DNM2: variants seen among roughly 807,000 people sequenced by gnomAD.
DNM2 encodes the protein dynamin-2.
In DNM2, 15 loss-of-function variants were observed where a neutral mutation model predicts 99.0. The observed-to-expected ratio is 0.15, with a 90% CI of 0.10 to 0.23. DNM2 has a LOEUF of 0.23. Ranked by LOEUF, DNM2 falls within the 10% of genes least tolerant of loss-of-function variation. The pLI is 1.00. For synonymous variants in DNM2, 525 were observed against 481.2 expected (o/e 1.09, Z -1.19); for missense variants, 742 against 1,189.4 (o/e 0.62, Z 5.53).
rs1340293635 is a variant in DNM2 at position 10,831,573 on chromosome 19, T to C, written c.*526T>C. 9 of 985,948 alleles carry C rather than the reference T, an allele frequency of 9.1e-6. No individual in the cohort carries two copies. Among genetic ancestry groups the C allele is most frequent in the Non-Finnish European group, 1.1e-5 (9 of 830,040 alleles). 61.1% of individuals were successfully genotyped at this position (985,948 alleles called of 1,614,324 possible). A position where few individuals can be genotyped will look rare whatever the true frequency, so the allele number is the denominator to read the frequency against. ...AGGTGTACATAGTCCTTCCCGGCCA[T>C]ATTAACCACACAGCCTGAGCCTGGC... On this transcript the variant is annotated 3_prime_UTR_variant, in exon 21 of 21. Coordinates refer to ENST00000389253, the MANE Select transcript of DNM2 (RefSeq NM_001005361.3). The surrounding 1 kb of genome is among the most constrained non-coding windows in gnomAD (Gnocchi z 4.3).
intron 2 of DNM2, among the ~76,000 whole-genome samples, chr19:10,771,667 G>A (rs563073292): frequency 6.6e-5 from 10 of 152,236 alleles, no homozygotes; most frequent in African/African-American, 2.2e-4. Context: ...CCCTTGACTG[G>A]GACCCACAGC....
rs1365623466 is a variant in DNM2, at chr19:10,796,823, G to A, written c.1197-557G>A. On this transcript the variant is annotated intron_variant, in intron 9 of 20. Coordinates refer to ENST00000389253, the MANE Select transcript of DNM2 (RefSeq NM_001005361.3). The surrounding 1 kb of genome is among the most constrained non-coding windows in gnomAD (Gnocchi z 5.6). ...CTGCCTCCACTCAGCAGGACGCGCC[G>A]GGCTCCCCCAACCCGCGCCAACGCC... Among the ~76,000 whole-genome samples the A allele has an allele frequency of 6.6e-6, 1 of 152,070 alleles. No homozygotes were observed. The highest frequency in any genetic ancestry group is 2.4e-5 in the African/African-American group (1 of 41,398).
At position 10,829,057 on chromosome 19, in the gene DNM2, G is replaced by A; in HGVS notation, c.2080G>A (p.Glu694Lys). Residue 694 changes from glutamate (E) to lysine (K), a missense_variant, in exon 19 of 21, where the codon GAG becomes AAG. Physicochemically the swap from Glu to Lys is moderately conservative, Grantham distance 56. Transcript: ENST00000389253. ...INNTKAFIHH[E>K]LLAYLYSSAD... ...GCAGACGAAGGCCTTCATCCACCAC[G>A]AGCTGCTGGCCTACCTATACTCCTC... 1 of 1,613,252 alleles carries A rather than the reference G, an allele frequency of 6.2e-7. No homozygotes were observed. Among genetic ancestry groups the A allele is most frequent in the Non-Finnish European group, 8.5e-7 (1 of 1,179,824 alleles).
intron 18 of DNM2, among the ~76,000 whole-genome samples, chr19:10,825,553 C>T (rs574340648): frequency 6.6e-6 from 1 of 152,276 alleles, no homozygotes; most frequent in South Asian, 2.1e-4. Flanking sequence ...CCTGTAATCC[C>T]AGCTACTCAG....
At chr19:10,786,851 C>T in intron 7 of DNM2, 145 bp downstream of exon 7, 1 of 1,480,950 alleles carries the variant, frequency 6.8e-7, no homozygotes, top group Non-Finnish European at 9.1e-7. Flanking sequence ...GTGCCAGGCT[C>T]CATCCTAAGC....
intron 1 of DNM2, among the ~76,000 whole-genome samples, chr19:10,729,186 A>AT (rs2069219310): frequency 2.7e-5 from 4 of 146,980 alleles, no homozygotes; most frequent in African/African-American, 5.1e-5. Flanking sequence ...AAAAAAAAAA[A>AT]AAAATATAAA....
chr19:10,743,986 GAA>G (rs746134991), intron 1 of DNM2, among the ~76,000 whole-genome samples: 2 of 106,516 alleles, frequency 1.9e-5, no homozygotes, highest in Non-Finnish European at 3.7e-5. Flanking sequence ...ACTGTTTCCA[GAA>G]AAAAAAAAAA....
chr19:10,808,027 C>T (rs992968837), intron 13 of DNM2, among the ~76,000 whole-genome samples: 8 of 151,610 alleles, frequency 5.3e-5, no homozygotes, highest in African/African-American at 1.9e-4. Context: ...CCTATAATTC[C>T]ACCTACTCGG....
At chr19:10,737,874 G>C (rs1003114707) in intron 1 of DNM2, among the ~76,000 whole-genome samples, 1 of 152,202 alleles carries the variant, frequency 6.6e-6, no homozygotes, top group Non-Finnish European at 1.5e-5. Flanking sequence ...GCAGTCCCTT[G>C]CATGGTGCCT....
intron 2 of DNM2, among the ~76,000 whole-genome samples, chr19:10,766,896 A>T (rs1299171129): frequency 6.6e-6 from 1 of 151,924 alleles, no homozygotes; most frequent in Non-Finnish European, 1.5e-5. Context: ...CCAGCTGCGA[A>T]CCTCTCTGAG....
chr19:10,739,518 C>T (rs565228105), intron 1 of DNM2, among the ~76,000 whole-genome samples: 9 of 152,184 alleles, frequency 5.9e-5, no homozygotes, highest in African/African-American at 2.2e-4. Context: ...AGTATATGGC[C>T]TTTTGTGTGT....
rs1408788158 is a variant in DNM2 at position 10,793,586 on chromosome 19, C to G, written c.993-134C>G. 22 of 1,540,336 alleles carry G rather than the reference C, an allele frequency of 1.4e-5. No homozygotes were observed. In the East Asian group the frequency reaches 5.0e-4, roughly 35 times the overall value. On this transcript the variant is annotated intron_variant, in intron 7 of 20. Coordinates refer to ENST00000389253, the MANE Select transcript of DNM2 (RefSeq NM_001005361.3). ...GAGCTCTTGAATTTGGTTTATTTGT[C>G]TTAATATAGACAGAAGACATTTTGC... is the stretch of plus-strand genomic sequence containing the variant.
intron 11 of DNM2, among the ~76,000 whole-genome samples, chr19:10,800,942 A>G (rs2072115895): frequency 6.6e-6 from 1 of 152,130 alleles, no homozygotes; most frequent in South Asian, 2.1e-4. Context: ...TGTGTGTTTT[A>G]TTTTAGTGTT....
At chr19:10,744,436 C>G (rs2069885939) in intron 1 of DNM2, among the ~76,000 whole-genome samples, 1 of 152,144 alleles carries the variant, frequency 6.6e-6, no homozygotes, top group Non-Finnish European at 1.5e-5. Flanking sequence ...TGGATATTTC[C>G]TTATGGGCTG....
At position 10,772,765 on chromosome 19, in the gene DNM2, C is replaced by G. The variant is rs1455561441; in HGVS notation, c.385+137C>G. On this transcript the variant is annotated intron_variant, in intron 3 of 20. Transcript: ENST00000389253. The surrounding 1 kb of genome is among the most constrained non-coding windows in gnomAD (Gnocchi z 4.9). ...CAGTTGATATTCACACACACATAGC[C>G]CCTTGATCTGTATCTTCCCACTTGT... The G allele has an allele frequency of 5.3e-6, 7 of 1,331,632 alleles. No individual in the cohort carries two copies. The East Asian group carries it at 1.8e-4, about 33-fold the overall frequency. 82.5% of individuals were successfully genotyped at this position (1,331,632 alleles called of 1,614,324 possible).
rs543685510 is a variant in DNM2 at position 10,823,062 on chromosome 19, G to A, written c.1782-726G>A. On this transcript the variant is annotated intron_variant, in intron 16 of 20. Transcript: ENST00000389253. Reference sequence around the variant, plus strand: ...GGAGCTTGCAGTGAGCCAAGATCGCGCCACTGCACTCCAGCCTGGGCGACA... The same window carrying A: ...GGAGCTTGCAGTGAGCCAAGATCGCACCACTGCACTCCAGCCTGGGCGACA... Among the ~76,000 whole-genome samples the A allele has an allele frequency of 1.5e-4, 22 of 151,408 alleles. No homozygotes were observed. In the South Asian group the frequency reaches 2.5e-3, roughly 17 times the overall value.
intron 1 of DNM2, among the ~76,000 whole-genome samples, chr19:10,757,288 A>G (rs1468784635): frequency 2.0e-5 from 3 of 152,136 alleles, no homozygotes; most frequent in Non-Finnish European, 4.4e-5. Context: ...GTGTCTCTGC[A>G]CCCAGCCAGA....
intron 12 of DNM2, among the ~76,000 whole-genome samples, chr19:10,805,632 C>G (rs1490268369): frequency 6.6e-6 from 1 of 152,164 alleles, no homozygotes; most frequent in Non-Finnish European, 1.5e-5. Context: ...CTCACACTTC[C>G]CCTTAGAAAC....
Position 10,765,036 on chromosome 19 carries a change from C to A in DNM2, c.235+5225C>A, listed in dbSNP as rs139247054. Among the ~76,000 whole-genome samples the A allele has an allele frequency of 3.3e-3, 504 of 151,610 alleles. 4 individuals carry two copies. Among genetic ancestry groups the A allele is most frequent in the African/African-American group, 0.012 (481 of 41,310 alleles). ...GCAGTGGCGCCATCTCAGCTCACTG[C>A]AAGCTCCGCCTCCCGGGTTCACACC... On this transcript the variant is annotated intron_variant, in intron 2 of 20. Transcript: ENST00000389253. The surrounding 1 kb of genome is among the most constrained non-coding windows in gnomAD (Gnocchi z 4.4).
Sources: gnomAD v4.1 joint callset for allele counts (sites outside exome capture counted in the v4.1 genomes callset) on GRCh38, gnomAD v4.1.1 for gene constraint, Gnocchi (gnomAD v3.1) non-coding constraint, MANE v1.5 for transcripts, NCBI Gene and HGNC (gene_info 2026-07-23, HGNC 2026-07-21) for gene names.